Variants in CNOT4 observed in about 807,000 individuals in gnomAD.
CNOT4 encodes CCR4-associated factor 4.
In CNOT4, 8 loss-of-function variants were observed where a neutral mutation model predicts 73.8. That is an observed-to-expected ratio of 0.11 (90% CI 0.06 to 0.20). The LOEUF is 0.20. CNOT4 is among the 10% of genes least tolerant of loss of function. The pLI is 1.00. For synonymous variants in CNOT4, 293 were observed against 321.1 expected (o/e 0.91, Z 0.94); for missense variants, 564 against 883.4 (o/e 0.64, Z 4.58).
rs1794793211 is a variant in CNOT4, at chr7:135,364,229, C to A, written c.1628-163G>T. ...CAAGATAAACTTGGTTAGGATTTTGCTCGTGAGCTCAGAGCCCCTGAAGTG... is the reference window on the plus strand; with the variant it reads ...CAAGATAAACTTGGTTAGGATTTTGATCGTGAGCTCAGAGCCCCTGAAGTG... On this transcript the variant is annotated intron_variant, in intron 10 of 11. Transcript: ENST00000541284. This position sits in a 1 kb window ranked among gnomAD's most constrained non-coding sequence, Gnocchi z 4.3. Among the ~76,000 whole-genome samples, 1 of 152,192 alleles carries A rather than the reference C, an allele frequency of 6.6e-6. No homozygotes were observed. Among genetic ancestry groups the A allele is most frequent in the Non-Finnish European group, 1.5e-5 (1 of 68,032 alleles).
intron 1 of CNOT4, among the ~76,000 whole-genome samples, chr7:135,470,267 C>T (rs1266571968): frequency 6.6e-6 from 1 of 151,904 alleles, no homozygotes; most frequent in Non-Finnish European, 1.5e-5. Flanking sequence ...GTAGCTAGGA[C>T]CCACGGGCAC....
At chr7:135,388,682 A>T in intron 10 of CNOT4, 1 of 1,393,778 alleles carries the variant, frequency 7.2e-7, no homozygotes, top group Non-Finnish European at 9.5e-7. Flanking sequence ...GAACGTTTAT[A>T]TTGGCTCTTC....
chr7:135,456,475 T>C (rs1225646854), intron 1 of CNOT4, among the ~76,000 whole-genome samples: 1 of 152,086 alleles, frequency 6.6e-6, no homozygotes, highest in Non-Finnish European at 1.5e-5. Flanking sequence ...TTTCTCTCTA[T>C]TCTAAGGATG....
At chr7:135,450,934 G>T (rs1403476611) in intron 1 of CNOT4, among the ~76,000 whole-genome samples, 3 of 152,050 alleles carry the variant, frequency 2.0e-5, no homozygotes, top group African/African-American at 7.2e-5. Context: ...TCCAGCCTAG[G>T]TGACAAAGTG....
intron 10 of CNOT4, among the ~76,000 whole-genome samples, chr7:135,366,314 T>C (rs534432586): frequency 1.3e-4 from 20 of 152,280 alleles, no homozygotes; most frequent in African/African-American, 4.8e-4. Flanking sequence ...ATTTGAAAAT[T>C]AGTAATAAAG....
chr7:135,383,452 G>A (rs750765950), intron 10 of CNOT4, among the ~76,000 whole-genome samples: 3 of 152,106 alleles, frequency 2.0e-5, no homozygotes, highest in Non-Finnish European at 4.4e-5. Flanking sequence ...CTGCTTCCAT[G>A]TCCTCCTACG....
intron 1 of CNOT4, among the ~76,000 whole-genome samples, chr7:135,467,307 C>T (rs973659127): frequency 1.3e-5 from 2 of 152,322 alleles, no homozygotes; most frequent in Non-Finnish European, 2.9e-5. Context: ...ACGGTCTAAA[C>T]ATAGCTATGC....
At chr7:135,485,224 C>G (rs773652513) in intron 1 of CNOT4, among the ~76,000 whole-genome samples, 1 of 152,100 alleles carries the variant, frequency 6.6e-6, no homozygotes, top group South Asian at 2.1e-4. Context: ...AGGTGCGTGC[C>G]GCCACACCCA....
intron 10 of CNOT4, among the ~76,000 whole-genome samples, chr7:135,372,475 G>A (rs1368994972): frequency 6.6e-6 from 1 of 151,712 alleles, no homozygotes; most frequent in Non-Finnish European, 1.5e-5. Flanking sequence ...TCATTTCTAT[G>A]TAGTAGACAA....
intron 1 of CNOT4, among the ~76,000 whole-genome samples, chr7:135,484,555 C>T (rs915345072): frequency 2.0e-5 from 3 of 151,598 alleles, no homozygotes; most frequent in Admixed American, 6.6e-5. Flanking sequence ...CAGGAGTTTG[C>T]GACCAGCCTG....
At chr7:135,378,033 TAA>T (rs909721293) in intron 10 of CNOT4, among the ~76,000 whole-genome samples, 8 of 152,228 alleles carry the variant, frequency 5.3e-5, no homozygotes, top group African/African-American at 1.7e-4. Context: ...TGAGAAGTGT[TAA>T]GTGACTTTTT....
Position 135,363,396 on chromosome 7 carries a change from T to TA in CNOT4, c.1841-211dup, listed in dbSNP as rs1265437504. On this transcript the variant is annotated intron_variant, in intron 11 of 11. Transcript: ENST00000541284. The surrounding 1 kb of genome is among the most constrained non-coding windows in gnomAD (Gnocchi z 4.3). ...CCCATGCCTCCTCTTGAACTAGACT[T>TA]AGTCCCCCACTGTCACAGAGGCAGA... Among the ~76,000 whole-genome samples the TA allele has an allele frequency of 4.6e-5, 7 of 152,174 alleles. No homozygotes were observed. The highest frequency in any genetic ancestry group is 1.4e-4 in the African/African-American group (6 of 41,428).
At chr7:135,490,784 A>G (rs1803060110) in intron 1 of CNOT4, among the ~76,000 whole-genome samples, 1 of 152,240 alleles carries the variant, frequency 6.6e-6, no homozygotes, top group South Asian at 2.1e-4. Context: ...ATCTCTTGCC[A>G]TATGACTTAA....
rs78004020 is a variant in CNOT4 at position 135,473,591 on chromosome 7, A to G, written c.-92-35168T>C. Among the ~76,000 whole-genome samples the G allele has an allele frequency of 2.2e-3, 336 of 152,236 alleles. 11 individuals carry two copies. In the East Asian group the frequency reaches 0.053, roughly 24 times the overall value. On this transcript the variant is annotated intron_variant, in intron 1 of 11. Transcript: ENST00000541284. ...GCATAATCCTGTGTCTACAAAAAAT[A>G]TAAAAATCAGCCAGGCATGACGGTG...
At chr7:135,487,478 G>A (rs531215112) in intron 1 of CNOT4, among the ~76,000 whole-genome samples, 1 of 152,002 alleles carries the variant, frequency 6.6e-6, no homozygotes, top group African/African-American at 2.4e-5. Context: ...AGGCTCAAGT[G>A]ATCCTCCCAC....
In CNOT4 at chr7:135,468,327, A is replaced by C. The variant is rs143408352; in HGVS notation, c.-92-29904T>G. 1.7e-4 allele frequency among the ~76,000 whole-genome samples: 26 copies of C among 152,276 alleles called. No homozygotes were observed. The East Asian group carries it at 4.4e-3, about 26-fold the overall frequency. ...GAATAGTTAATTTGTAGATTCCAGA[A>C]GCAAAGGAACAATACATTTCCCCAC... On this transcript the variant is annotated intron_variant, in intron 1 of 11. Transcript: ENST00000541284.
At chr7:135,380,831 G>A (rs907880978) in intron 10 of CNOT4, among the ~76,000 whole-genome samples, 8 of 152,056 alleles carry the variant, frequency 5.3e-5, no homozygotes, top group African/African-American at 1.9e-4. Context: ...TTATTATTCG[G>A]TCTTTAAAAG....
chr7:135,366,837 G>A (rs1794943906), intron 10 of CNOT4, among the ~76,000 whole-genome samples: 1 of 152,170 alleles, frequency 6.6e-6, no homozygotes. Context: ...AAGGAAATCA[G>A]CTTAATCCTA....
chr7:135,473,691 GA>G (rs1475981104), intron 1 of CNOT4, among the ~76,000 whole-genome samples: 38 of 152,276 alleles, frequency 2.5e-4, no homozygotes, highest in African/African-American at 7.5e-4. Context: ...AGGCCGCAGT[GA>G]GCCGAGATCA....
Sources: gnomAD v4.1 joint callset for allele counts (sites outside exome capture counted in the v4.1 genomes callset) on GRCh38, gnomAD v4.1.1 for gene constraint, Gnocchi (gnomAD v3.1) non-coding constraint, MANE v1.5 for transcripts, NCBI Gene and HGNC (gene_info 2026-07-23, HGNC 2026-07-21) for gene names.